Variants in RAB20 observed in about 807,000 individuals in gnomAD.
RAB20 encodes the protein ras-related protein Rab-20.
In RAB20, 2 loss-of-function variants were observed where a neutral mutation model predicts 3.7. That is an observed-to-expected ratio of 0.54 (90% CI 0.22 to 1.69). The LOEUF is 1.69. RAB20 is among the 40% of genes most tolerant of loss of function. RAB20 has a pLI of 0.19. For missense variants in RAB20, 276 were observed against 311.9 expected (o/e 0.88, Z 0.87); for synonymous variants, 126 against 130.8 (o/e 0.96, Z 0.25).
At chr13:110,532,676 C>CTCTTT (rs1555335393) in intron 1 of RAB20, among the ~76,000 whole-genome samples, 3 of 150,518 alleles carry the variant, frequency 2.0e-5, no homozygotes, top group African/African-American at 7.3e-5. Context: ...CACGCCCAGC[C>CTCTTT]TATTTAATTA....
rs549146456 is a variant in RAB20, at chr13:110,555,296, A to G, written c.172+6052T>C. 6.6e-6 allele frequency among the ~76,000 whole-genome samples: 1 copy of G among 152,306 alleles called. No homozygotes were observed. The highest frequency in any genetic ancestry group is 2.4e-5 in the African/African-American group (1 of 41,564). On this transcript the variant is annotated intron_variant, in intron 1 of 1. Transcript: ENST00000267328. The surrounding 1 kb of genome is among the most constrained non-coding windows in gnomAD (Gnocchi z 4.0). ...GGAATAGAACTCAAATGAGGCTTGA[A>G]TTCCTCTTCCACGTGACAACCTTCC...
chr13:110,547,447 T>C (rs1447403360), intron 1 of RAB20, among the ~76,000 whole-genome samples: 2 of 152,218 alleles, frequency 1.3e-5, no homozygotes, highest in Non-Finnish European at 2.9e-5. Flanking sequence ...CAGCAGGACT[T>C]TTCTAGTTCA....
At chr13:110,532,485 T>G (rs1170994734) in intron 1 of RAB20, among the ~76,000 whole-genome samples, 1 of 152,056 alleles carries the variant, frequency 6.6e-6, no homozygotes, top group Non-Finnish European at 1.5e-5. Context: ...CAAGCAATTC[T>G]CCTGCCTAAG....
chr13:110,525,647 G>A (rs1420455087), intron 1 of RAB20, among the ~76,000 whole-genome samples: 1 of 152,248 alleles, frequency 6.6e-6, no homozygotes, highest in Admixed American at 6.5e-5. Context: ...GGCCAAGGCA[G>A]GTGTTCCTGG....
At chr13:110,550,710 C>T (rs989367144) in intron 1 of RAB20, among the ~76,000 whole-genome samples, 1 of 152,126 alleles carries the variant, frequency 6.6e-6, no homozygotes, top group Non-Finnish European at 1.5e-5. Context: ...CTGCCTTCTC[C>T]TTGCCACCTT....
intron 1 of RAB20, among the ~76,000 whole-genome samples, chr13:110,549,872 C>A (rs544141472): frequency 6.6e-5 from 10 of 152,118 alleles, no homozygotes; most frequent in African/African-American, 2.4e-4. Flanking sequence ...TACAGGCACG[C>A]GCCACCAAGC....
chr13:110,524,262 A>G (rs938839500), intron 1 of RAB20, 65 bp from the exon 2 acceptor site: 25 of 1,509,426 alleles, frequency 1.7e-5, no homozygotes, highest in Middle Eastern at 2.4e-4. Context: ...CACCAGCCAC[A>G]CTGCAAGGGA....
chr13:110,559,024 T>C (rs536041140), intron 1 of RAB20, among the ~76,000 whole-genome samples: 35 of 152,102 alleles, frequency 2.3e-4, no homozygotes, highest in African/African-American at 8.4e-4. Context: ...TAATCACACC[T>C]CCCTCTGGAG....
Position 110,524,271 on chromosome 13 carries a change from G to C in RAB20, c.173-74C>G, listed in dbSNP as rs1884390694. The C allele has an allele frequency of 3.3e-6, 5 of 1,498,162 alleles. No homozygotes were observed. The Admixed American group carries it at 1.1e-4, about 33-fold the overall frequency. The allele number at this position is 1,498,162 out of a possible 1,614,324, so 92.8% of individuals were successfully genotyped here. ...CATAGCCACCAGCCACACTGCAAGGGAACGTCCCACAGGGATGTTTATTTT... is the reference window on the plus strand; with the variant it reads ...CATAGCCACCAGCCACACTGCAAGGCAACGTCCCACAGGGATGTTTATTTT... On this transcript the variant is annotated intron_variant, in intron 1 of 1. Transcript: ENST00000267328.
chr13:110,526,932 T>C (rs1413857578), intron 1 of RAB20, among the ~76,000 whole-genome samples: 1 of 152,098 alleles, frequency 6.6e-6, no homozygotes, highest in Admixed American at 6.5e-5. Flanking sequence ...CACTTGGGCA[T>C]AGTGTTCTGA....
At chr13:110,549,881 G>A (rs910463295) in intron 1 of RAB20, among the ~76,000 whole-genome samples, 3 of 152,068 alleles carry the variant, frequency 2.0e-5, no homozygotes, top group Admixed American at 6.5e-5. Flanking sequence ...GCGCCACCAA[G>A]CGCAGCTAAT....
intron 1 of RAB20, among the ~76,000 whole-genome samples, chr13:110,539,558 T>C (rs9515250): frequency 3.0e-5 from 4 of 135,472 alleles, no homozygotes; most frequent in African/African-American, 1.1e-4. Flanking sequence ...TGTTTTTGGG[T>C]TTTTTGTTTT....
chr13:110,560,186 C>T (rs1231025688), intron 1 of RAB20, among the ~76,000 whole-genome samples: 1 of 152,176 alleles, frequency 6.6e-6, no homozygotes, highest in Non-Finnish European at 1.5e-5. Context: ...CAGCCTGAGG[C>T]AGAAGACAGA....
At chr13:110,551,380 G>GAGCAAAGA (rs1425107003) in intron 1 of RAB20, among the ~76,000 whole-genome samples, 14 of 152,218 alleles carry the variant, frequency 9.2e-5, no homozygotes, top group Non-Finnish European at 1.3e-4. Context: ...TGTGAGAACC[G>GAGCAAAGA]AGCAAAGACA....
chr13:110,536,022 C>T (rs1227013781), intron 1 of RAB20, among the ~76,000 whole-genome samples: 1 of 152,188 alleles, frequency 6.6e-6, no homozygotes. Context: ...ACATGGAGTA[C>T]GGCAGACCCT....
intron 1 of RAB20, among the ~76,000 whole-genome samples, chr13:110,553,512 G>A (rs370664378): frequency 9.8e-5 from 15 of 152,294 alleles, no homozygotes; most frequent in African/African-American, 3.4e-4. Flanking sequence ...TTTGGCTTTC[G>A]GTGCTGTCTG....
chr13:110,525,499 C>T (rs1260340274), intron 1 of RAB20, among the ~76,000 whole-genome samples: 1 of 152,234 alleles, frequency 6.6e-6, no homozygotes, highest in African/African-American at 2.4e-5. Context: ...CTCACCTCCC[C>T]ACCAGCAGGC....
intron 1 of RAB20, among the ~76,000 whole-genome samples, chr13:110,552,609 C>A (rs1319453911): frequency 8.6e-5 from 13 of 151,470 alleles, no homozygotes; most frequent in African/African-American, 3.2e-4. Flanking sequence ...AGGAGAATGG[C>A]GTGAACCCAG....
At chr13:110,552,933 C>T (rs752320653) in intron 1 of RAB20, among the ~76,000 whole-genome samples, 97 of 152,298 alleles carry the variant, frequency 6.4e-4, no homozygotes, top group Non-Finnish European at 1.1e-3. Context: ...GGCTGTGGGC[C>T]GAGCCTCCCA....
Sources: gnomAD v4.1 joint callset for allele counts (sites outside exome capture counted in the v4.1 genomes callset) on GRCh38, gnomAD v4.1.1 for gene constraint, Gnocchi (gnomAD v3.1) non-coding constraint, MANE v1.5 for transcripts, NCBI Gene and HGNC (gene_info 2026-07-23, HGNC 2026-07-21) for gene names.